Variants in LRP1B observed in about 807,000 individuals in gnomAD.
LRP1B encodes low-density lipoprotein receptor-related protein 1B.
A neutral mutation model predicts 556.6 loss-of-function variants in LRP1B; 217 were observed. The observed-to-expected ratio is 0.39, with a 90% confidence interval of 0.35 to 0.44. The LOEUF is 0.44. Ranked by LOEUF, LRP1B falls within the 20% of genes least tolerant of loss-of-function variation. The pLI, the probability that LRP1B is intolerant of heterozygous loss-of-function variation, is 1.00. For missense variants in LRP1B, 5,053 were observed against 5,620.8 expected, an observed-to-expected ratio of 0.90 and a Z score of 3.23; for synonymous variants, 2,047 against 1,865.8, an observed-to-expected ratio of 1.10 and a Z score of -2.50.
chr2:140,248,227 A>C (rs1681252884), intron 86 of LRP1B, among the ~76,000 whole-genome samples: 2 of 151,732 alleles, frequency 1.3e-5, no homozygotes, highest in Admixed American at 6.6e-5. Flanking sequence ...CTGTCCTAAA[A>C]CATGGGCAAA....
chr2:141,795,399 C>T lies in LRP1B; in HGVS notation c.205+14880G>A, dbSNP rs1022627240. ...ACATGCATGTGTGTGTTTGCACATG[C>T]GTGAGTGTGCACAGCAGCCCTTGAG... is the stretch of plus-strand genomic sequence containing the variant. On this transcript the variant is annotated intron_variant, in intron 2 of 90. Coordinates refer to ENST00000389484, the MANE Select transcript of LRP1B (RefSeq NM_018557.3). 5.9e-5 allele frequency among the ~76,000 whole-genome samples: 9 copies of T among 152,066 alleles called. No individual in the cohort carries two copies. In the South Asian group the frequency reaches 6.2e-4, roughly 11 times the overall value.
chr2:141,690,908 A>T (rs1691503937), intron 2 of LRP1B, among the ~76,000 whole-genome samples: 1 of 151,638 alleles, frequency 6.6e-6, no homozygotes, highest in African/African-American at 2.4e-5. Flanking sequence ...TGAGTTTTTT[A>T]ATGAGGTACA....
chr2:141,043,373 A>G (rs1313811684), intron 11 of LRP1B, among the ~76,000 whole-genome samples: 2 of 151,914 alleles, frequency 1.3e-5, no homozygotes, highest in Non-Finnish European at 2.9e-5. Context: ...GATGAATTGA[A>G]TCTTCATCAA....
At chr2:141,742,813 T>C (rs79398688) in intron 2 of LRP1B, among the ~76,000 whole-genome samples, 1,612 of 152,290 alleles carry the variant, frequency 0.011, 15 homozygotes, top group Middle Eastern at 0.037. Flanking sequence ...ATAGTTTTCA[T>C]TGTACAAGCT....
chr2:140,547,616 C>A (rs988887795), intron 43 of LRP1B, among the ~76,000 whole-genome samples: 11 of 151,836 alleles, frequency 7.2e-5, no homozygotes, highest in Non-Finnish European at 5.9e-5. Context: ...CCCCTGGTTT[C>A]ATTTGGAACA....
intron 3 of LRP1B, among the ~76,000 whole-genome samples, chr2:141,413,707 G>GTATT (rs1370960650): frequency 6.6e-6 from 1 of 151,170 alleles, no homozygotes; most frequent in Non-Finnish European, 1.5e-5. Context: ...CTGGGTTTTT[G>GTATT]TATTATTGTA....
intron 2 of LRP1B, among the ~76,000 whole-genome samples, chr2:141,669,050 C>T (rs1043815849): frequency 2.6e-5 from 4 of 152,168 alleles, no homozygotes; most frequent in African/African-American, 7.2e-5. Flanking sequence ...TTTGTGTTCT[C>T]CCAAAATTCA....
intron 2 of LRP1B, among the ~76,000 whole-genome samples, chr2:141,498,392 G>A (rs935773347): frequency 3.7e-4 from 55 of 148,816 alleles, no homozygotes; most frequent in Admixed American, 2.0e-4. Flanking sequence ...AAGGTTCTGA[G>A]CAATATAGTT....
At chr2:140,689,863 G>T (rs1440982200) in intron 41 of LRP1B, among the ~76,000 whole-genome samples, 1 of 152,134 alleles carries the variant, frequency 6.6e-6, no homozygotes, top group Admixed American at 6.5e-5. Context: ...TTCTGATTCT[G>T]CAAACAGAAA....
intron 7 of LRP1B, chr2:141,167,299 A>G (rs1312814426): frequency 1.3e-5 from 2 of 151,904 alleles, no homozygotes; most frequent in African/African-American, 4.8e-5. Flanking sequence ...TATGCAGGAG[A>G]CAGAAGAATC....
At chr2:141,386,771 T>C in intron 3 of LRP1B, among the ~76,000 whole-genome samples, 1 of 152,016 alleles carries the variant, frequency 6.6e-6, no homozygotes, top group African/African-American at 2.4e-5. Context: ...ACAATAATAG[T>C]TGGAGACTTC....
chr2:140,897,668 A>T (rs1215624853), intron 23 of LRP1B, among the ~76,000 whole-genome samples: 1 of 152,122 alleles, frequency 6.6e-6, no homozygotes, highest in Non-Finnish European at 1.5e-5. Flanking sequence ...GAAAGACTAG[A>T]TTTGCTAAGT....
intron 29 of LRP1B, among the ~76,000 whole-genome samples, chr2:140,849,138 C>A (rs148474873): frequency 2.7e-3 from 394 of 143,520 alleles, no homozygotes; most frequent in Middle Eastern, 0.011. Flanking sequence ...GGGTGGATTG[C>A]GAGGTCAGGA....
chr2:141,494,855 G>C (rs562730110), intron 2 of LRP1B, among the ~76,000 whole-genome samples: 19 of 150,182 alleles, frequency 1.3e-4, no homozygotes, highest in Admixed American at 4.0e-4. Flanking sequence ...CACACACACA[G>C]AGTTGTAGCA....
intron 1 of LRP1B, among the ~76,000 whole-genome samples, chr2:141,862,816 G>A (rs1698291132): frequency 6.6e-6 from 1 of 152,172 alleles, no homozygotes; most frequent in Admixed American, 6.5e-5. Flanking sequence ...AGAAATGAAA[G>A]TGGAAGCATT....
At chr2:141,558,351 G>T (rs542985003) in intron 2 of LRP1B, among the ~76,000 whole-genome samples, 1 of 151,798 alleles carries the variant, frequency 6.6e-6, no homozygotes, top group Admixed American at 6.6e-5. Context: ...GAAAAAAGAG[G>T]TAGATATTTT....
chr2:142,058,053 C>A (rs1287570832), intron 1 of LRP1B, among the ~76,000 whole-genome samples: 1 of 152,130 alleles, frequency 6.6e-6, no homozygotes, highest in Non-Finnish European at 1.5e-5. Flanking sequence ...GTCTCACATG[C>A]AGAAATAGGT....
chr2:140,759,211 T>A (rs1470870410), intron 35 of LRP1B, among the ~76,000 whole-genome samples: 1 of 152,128 alleles, frequency 6.6e-6, no homozygotes, highest in Admixed American at 6.6e-5. Context: ...TTATTGTTGA[T>A]GCTATTAATA....
At chr2:141,476,664 T>C (rs12053452) in intron 3 of LRP1B, among the ~76,000 whole-genome samples, 1 of 151,936 alleles carries the variant, frequency 6.6e-6, no homozygotes, top group Admixed American at 6.6e-5. Context: ...TCATTATCTT[T>C]ACTAGAAAGA....
Sources: allele counts gnomAD v4.1 joint callset (sites outside exome capture counted in the v4.1 genomes callset), GRCh38; gene constraint gnomAD v4.1.1; transcripts MANE v1.5; gene names NCBI Gene and HGNC (gene_info 2026-07-23, HGNC 2026-07-21).